RHBDL1: variants seen among roughly 807,000 people sequenced by gnomAD.
RHBDL1 encodes rhomboid like 1.
In RHBDL1, 21 loss-of-function variants were observed where a neutral mutation model predicts 34.0. The ratio of observed to expected loss-of-function variants is 0.62; its 90% CI spans 0.44 to 0.89. The LOEUF (loss-of-function observed/expected upper bound fraction) is 0.89. Among genes scored for constraint, RHBDL1 ranks in the 40% least tolerant of loss-of-function variants. The pLI is 0.00. For missense variants in RHBDL1, 450 were observed against 530.6 expected (o/e 0.85, Z 1.49); for synonymous variants, 268 against 234.8 (o/e 1.14, Z -1.29).
Position 676,932 on chromosome 16 carries a change from C to T in RHBDL1, c.426+36C>T, listed in dbSNP as rs764045208. ...CGGCCGCTGCCCCGGGAGCCTCCCG[C>T]GCTCCTGGCCATGACCAGCCTAACA... On this transcript the variant is annotated intron_variant, in intron 3 of 7. Transcript: ENST00000352681. The surrounding 1 kb of genome is among the most constrained non-coding windows in gnomAD (Gnocchi z 6.9). 51 of 1,611,320 alleles carry T rather than the reference C, an allele frequency of 3.2e-5. No homozygotes were observed. Among genetic ancestry groups the T allele is most frequent in the Non-Finnish European group, 3.8e-5 (45 of 1,179,000 alleles).
Position 677,804 on chromosome 16 carries a change from G to T in RHBDL1, c.874G>T (p.Val292Leu). Residue 292 changes from valine to leucine, a missense_variant, in exon 8 of 8, where the codon GTG becomes TTG. Coordinates refer to ENST00000352681, the MANE Select transcript of RHBDL1 (RefSeq NM_001278720.2). ...AGTGAGCTCCGAGGTGGGCCGGGCC[G>T]TGTGGCTGCGCTTCTCCCCGCCGCT... Reference protein sequence around the residue: ...VCMSSEVGRAVWLRFSPPLPA... With the variant: ...VCMSSEVGRALWLRFSPPLPA... 1 of 1,557,654 alleles carries T rather than the reference G, an allele frequency of 6.4e-7. No individual in the cohort carries two copies. Among genetic ancestry groups the T allele is most frequent in the Non-Finnish European group, 8.6e-7 (1 of 1,156,566 alleles).
At position 676,940 on chromosome 16, in the gene RHBDL1, G is replaced by T. The variant is rs1017876443; in HGVS notation, c.427-31G>T. The T allele has an allele frequency of 6.2e-7, 1 of 1,611,444 alleles. No homozygotes were observed. Among genetic ancestry groups the T allele is most frequent in the East Asian group, 2.2e-5 (1 of 44,814 alleles). ...GCCCCGGGAGCCTCCCGCGCTCCTG[G>T]CCATGACCAGCCTAACACTCGTGTC... On this transcript the variant is annotated intron_variant, in intron 3 of 7. Coordinates refer to ENST00000352681, the MANE Select transcript of RHBDL1 (RefSeq NM_001278720.2). The surrounding 1 kb of genome is among the most constrained non-coding windows in gnomAD (Gnocchi z 6.9).
rs140442350 is a variant in RHBDL1, at chr16:676,431, C to A, written c.135C>A (p.Asp45Glu). ...HELPLDPAKL[D>E]MLVALAQSNE... is the part of the protein sequence containing the mutation. ...TGCCCCTGGACCCGGCCAAGCTGGA[C>A]ATGCTGGTGGCCCTGGCTCAGAGCA... Residue 45 changes from aspartate (D) to glutamate (E), a missense_variant, in exon 2 of 8, where the codon GAC (aspartate) becomes GAA (glutamate). By Grantham distance (45) the Asp-to-Glu change is conservative (BLOSUM62 2). Coordinates refer to ENST00000352681, the MANE Select transcript of RHBDL1 (RefSeq NM_001278720.2). This position sits in a 1 kb window ranked among gnomAD's most constrained non-coding sequence, Gnocchi z 6.9. 2.5e-6 allele frequency: 4 copies of A among 1,606,484 alleles called. No homozygotes were observed. The African/African-American group carries it at 5.3e-5, about 21-fold the overall frequency.
At position 676,559 on chromosome 16, in the gene RHBDL1, C is replaced by G; in HGVS notation, c.201+62C>G. On this transcript the variant is annotated intron_variant, in intron 2 of 7. Coordinates refer to ENST00000352681, the MANE Select transcript of RHBDL1 (RefSeq NM_001278720.2). The surrounding 1 kb of genome is among the most constrained non-coding windows in gnomAD (Gnocchi z 6.9). ...GTCCTGGCCAGAGGAGGCGGGCAGG[C>G]AGCTCCTCACGGCGGTGGGTGGGGG... is the stretch of plus-strand genomic sequence containing the variant. 3 of 1,568,480 alleles carry G rather than the reference C, an allele frequency of 1.9e-6. No individual in the cohort carries two copies. The highest frequency in any genetic ancestry group is 2.3e-5 in the East Asian group (1 of 44,270).
Position 676,032 on chromosome 16 carries a change from G to C in RHBDL1, c.39+203G>C. The C allele has an allele frequency of 7.6e-7, 1 of 1,310,384 alleles. No homozygotes were observed. Among genetic ancestry groups the C allele is most frequent in the Admixed American group, 3.3e-5 (1 of 30,664 alleles). 81.2% of individuals were successfully genotyped at this position (1,310,384 alleles called of 1,614,324 possible). A position where few individuals can be genotyped will look rare whatever the true frequency, so the allele number is the denominator to read the frequency against. ...CCTGGCTGGAGAAGGGAGAGTCGGG[G>C]GGAGGGAGGGAGGGAGGGAGGGAGG... On this transcript the variant is annotated intron_variant, in intron 1 of 7. Transcript: ENST00000352681. This position sits in a 1 kb window ranked among gnomAD's most constrained non-coding sequence, Gnocchi z 6.9.
chr16:676,227 C>A lies in RHBDL1; in HGVS notation c.40-109C>A. The A allele has an allele frequency of 6.5e-7, 1 of 1,548,304 alleles. No individual in the cohort carries two copies. Among genetic ancestry groups the A allele is most frequent in the Non-Finnish European group, 8.7e-7 (1 of 1,145,518 alleles). On this transcript the variant is annotated intron_variant, in intron 1 of 7. Coordinates refer to ENST00000352681, the MANE Select transcript of RHBDL1 (RefSeq NM_001278720.2). This position sits in a 1 kb window ranked among gnomAD's most constrained non-coding sequence, Gnocchi z 6.9. ...AACAGACAGGCACGGGGCCCCTGTC[C>A]CAAAAGTGCTGGGAGCCTGAGCCTG... is the stretch of plus-strand genomic sequence containing the variant.
Position 677,634 on chromosome 16 carries a change from C to G in RHBDL1, c.790-5C>G. The G allele has an allele frequency of 1.3e-6, 2 of 1,591,050 alleles. No homozygotes were observed. Among genetic ancestry groups the G allele is most frequent in the Non-Finnish European group, 1.7e-6 (2 of 1,167,410 alleles). The stretch of plus-strand genomic sequence containing the variant: ...TCACCACTTCTCGTCTGCACACACC[C>G]ATAGAACTGGGCTGGGATGAGATGT... On this transcript the variant is annotated splice_region_variant and splice_polypyrimidine_tract_variant and intron_variant, in intron 6 of 7. Transcript: ENST00000352681.
chr16:675,863 G>A (rs2039524253), intron 1 of RHBDL1, 34 bp downstream of exon 1: 4 of 1,491,344 alleles, frequency 2.7e-6, no homozygotes, highest in Non-Finnish European at 3.6e-6. Flanking sequence ...AGCTGGCACC[G>A]CCCCCAATGC....
Position 676,145 on chromosome 16 carries a change from A to C in RHBDL1, c.40-191A>C. ...GGGGGAACAACTGAGGAGCTGGAGG[A>C]CTGGGACCCAGGCACCAGTGCCCTG... On this transcript the variant is annotated intron_variant, in intron 1 of 7. Transcript: ENST00000352681. This position sits in a 1 kb window ranked among gnomAD's most constrained non-coding sequence, Gnocchi z 6.9. The C allele has an allele frequency of 6.8e-7, 1 of 1,468,008 alleles. No homozygotes were observed. The highest frequency in any genetic ancestry group is 9.0e-7 in the Non-Finnish European group (1 of 1,105,798). 90.9% of individuals were successfully genotyped at this position (1,468,008 alleles called of 1,614,324 possible). A position where few individuals can be genotyped will look rare whatever the true frequency, so the allele number is the denominator to read the frequency against.
Position 677,667 on chromosome 16 carries a change from A to C in RHBDL1, c.818A>C (p.Lys273Thr). The C allele has an allele frequency of 6.4e-7, 1 of 1,559,994 alleles. No homozygotes were observed. Among genetic ancestry groups the C allele is most frequent in the Non-Finnish European group, 8.7e-7 (1 of 1,150,348 alleles). Residue 273 changes from lysine (K) to threonine (T), a missense_variant, in exon 7 of 8, where the codon AAG becomes ACG. Lys to Thr is a moderately conservative substitution (Grantham distance 78). Coordinates refer to ENST00000352681, the MANE Select transcript of RHBDL1 (RefSeq NM_001278720.2). ...TGGGCTGGGATGAGATGTCCCTACA[A>C]GTTGCTGAGGATGGTGCTGGCCTTG... is the stretch of plus-strand genomic sequence containing the variant. Reference protein sequence around the residue: ...MNWAGMRCPYKLLRMVLALVC... With the variant: ...MNWAGMRCPYTLLRMVLALVC...
Position 677,783 on chromosome 16 carries a change from A to T in RHBDL1, c.853A>T (p.Ser285Cys), listed in dbSNP as rs1284731434. ...CCACCTGCCGCGTCCCTCTGCAGTGAGCTCCGAGGTGGGCCGGGCCGTGTG... is the reference window on the plus strand; with the variant it reads ...CCACCTGCCGCGTCCCTCTGCAGTGTGCTCCGAGGTGGGCCGGGCCGTGTG... ...LRMVLALVCMSSEVGRAVWLR... is the reference protein window; with the variant it reads ...LRMVLALVCMCSEVGRAVWLR... The change falls in exon 8 of 8, where the codon AGC becomes TGC. Residue 285 changes from serine to cysteine, a missense_variant and splice_region_variant. Physicochemically the swap from Ser to Cys is moderately radical, Grantham distance 112. Transcript: ENST00000352681. 1 of 1,539,672 alleles carries T rather than the reference A, an allele frequency of 6.5e-7. No individual in the cohort carries two copies. Among genetic ancestry groups the T allele is most frequent in the South Asian group, 1.2e-5 (1 of 80,540 alleles).
Position 676,774 on chromosome 16 carries a change from A to G in RHBDL1, c.304A>G (p.Lys102Glu). 6.2e-7 allele frequency: 1 copy of G among 1,610,736 alleles called. No individual in the cohort carries two copies. ...PLDEPGLGVY[K>E]RFVRYVAYEI... is the part of the protein sequence containing the mutation. ...GGATGAGCCAGGCCTAGGTGTCTACAAGCGGTTTGTGCGTTACGTGGCCTA... is the reference window on the plus strand; with the variant it reads ...GGATGAGCCAGGCCTAGGTGTCTACGAGCGGTTTGTGCGTTACGTGGCCTA... Residue 102 changes from lysine to glutamate, a missense_variant, in exon 3 of 8, where the codon AAG becomes GAG. Physicochemically the swap from Lys to Glu is moderately conservative, Grantham distance 56. Transcript: ENST00000352681. This position sits in a 1 kb window ranked among gnomAD's most constrained non-coding sequence, Gnocchi z 6.9.
chr16:676,805 TC>T lies in RHBDL1; in HGVS notation c.337del (p.Leu113CysfsTer54), dbSNP rs767650996. ...TTTGTGCGTTACGTGGCCTACGAGA[TC>T]CTGCCTTGTGAGGTGGACCGCCGCT... is the stretch of plus-strand genomic sequence containing the variant. ...KRFVRYVAYE[I>X]LPCEVDRRWY... On this transcript the variant is annotated frameshift_variant, in exon 3 of 8. Coordinates refer to ENST00000352681, the MANE Select transcript of RHBDL1 (RefSeq NM_001278720.2). LOFTEE classifies it high-confidence loss of function. This position sits in a 1 kb window ranked among gnomAD's most constrained non-coding sequence, Gnocchi z 6.9. 1 of 1,611,104 alleles carries T rather than the reference TC, an allele frequency of 6.2e-7. No homozygotes were observed. Among genetic ancestry groups the T allele is most frequent in the Non-Finnish European group, 8.5e-7 (1 of 1,179,564 alleles).
rs755729281 is a variant in RHBDL1, at chr16:676,498, G to A, written c.201+1G>A. ...CTGCTACCAGGAGCTGGTGGACCTG[G>A]TCAGTGCCACGGTGGGCAGGCGGCA... On this transcript the variant is annotated splice_donor_variant, in intron 2 of 7. Coordinates refer to ENST00000352681, the MANE Select transcript of RHBDL1 (RefSeq NM_001278720.2). LOFTEE classifies it high-confidence loss of function. This position sits in a 1 kb window ranked among gnomAD's most constrained non-coding sequence, Gnocchi z 6.9. 1.9e-6 allele frequency: 3 copies of A among 1,587,942 alleles called. No homozygotes were observed. The highest frequency in any genetic ancestry group is 2.6e-6 in the Non-Finnish European group (3 of 1,169,674).
rs776826600 is a variant in RHBDL1 at position 675,870 on chromosome 16, A to C, written c.39+41A>C. On this transcript the variant is annotated intron_variant, in intron 1 of 7. Transcript: ENST00000352681. ...GTCTGGGGAGCTGGCACCGCCCCCA[A>C]TGCGGCCCTCCTGCCGCTGAGCTGA... 6 of 1,486,536 alleles carry C rather than the reference A, an allele frequency of 4.0e-6. No homozygotes were observed. The South Asian group carries it at 7.7e-5, about 19-fold the overall frequency. 92.1% of individuals were successfully genotyped at this position (1,486,536 alleles called of 1,614,324 possible). A position where few individuals can be genotyped will look rare whatever the true frequency, so the allele number is the denominator to read the frequency against.
Position 677,921 on chromosome 16 carries a change from G to A in RHBDL1, c.991G>A (p.Glu331Lys), listed in dbSNP as rs778173538. 99 of 1,603,432 alleles carry A rather than the reference G, an allele frequency of 6.2e-5. No individual in the cohort carries two copies. The highest frequency in any genetic ancestry group is 8.1e-5 in the Non-Finnish European group (96 of 1,179,338). The change falls in exon 8 of 8, where the codon GAG (glutamate) becomes AAG (lysine). Residue 331 changes from glutamate to lysine, a missense_variant. Physicochemically the swap from Glu to Lys is moderately conservative, Grantham distance 56. Transcript: ENST00000352681. ...GGGCCTGACCATCCTGCGGAGCTAC[G>A]AGGAGCGCCTGCGGGACCAGTGCGG... The part of the protein sequence containing the change: ...SMGLTILRSY[E>K]ERLRDQCGWW...
rs767961731 is a variant in RHBDL1, at chr16:678,054, C to G, written c.*2C>G. On this transcript the variant is annotated 3_prime_UTR_variant, in exon 8 of 8. Coordinates refer to ENST00000352681, the MANE Select transcript of RHBDL1 (RefSeq NM_001278720.2). The stretch of plus-strand genomic sequence containing the variant: ...GCCCACATCCCCCCACCGCCCTGAC[C>G]GGCTACCTGAGGCTGCACAGGCCAG... 1.9e-6 allele frequency: 3 copies of G among 1,556,376 alleles called. No individual in the cohort carries two copies. In the Admixed American group the frequency reaches 5.3e-5, roughly 27 times the overall value.
At position 676,585 on chromosome 16, in the gene RHBDL1, G is replaced by A; in HGVS notation, c.202-87G>A. ...AGCTCCTCACGGCGGTGGGTGGGGG[G>A]CTTGTGGATGCGGGGAGCTGGGTGA... On this transcript the variant is annotated intron_variant, in intron 2 of 7. Coordinates refer to ENST00000352681, the MANE Select transcript of RHBDL1 (RefSeq NM_001278720.2). This position sits in a 1 kb window ranked among gnomAD's most constrained non-coding sequence, Gnocchi z 6.9. The A allele has an allele frequency of 6.3e-7, 1 of 1,577,454 alleles. No homozygotes were observed.
rs111852492 is a variant in RHBDL1, at chr16:676,907, C to G, written c.426+11C>G. 2 of 1,611,354 alleles carry G rather than the reference C, an allele frequency of 1.2e-6. No individual in the cohort carries two copies. The highest frequency in any genetic ancestry group is 1.1e-5 in the South Asian group (1 of 91,026). On this transcript the variant is annotated intron_variant, in intron 3 of 7. Coordinates refer to ENST00000352681, the MANE Select transcript of RHBDL1 (RefSeq NM_001278720.2). This position sits in a 1 kb window ranked among gnomAD's most constrained non-coding sequence, Gnocchi z 6.9. ...GTCACTCTTGCCCAGGTGGGCCCCC[C>G]GGCCGCTGCCCCGGGAGCCTCCCGC...
Sources: gnomAD v4.1 joint callset for allele counts on GRCh38, gnomAD v4.1.1 for gene constraint, Gnocchi (gnomAD v3.1) non-coding constraint, MANE v1.5 for transcripts, NCBI Gene and HGNC (gene_info 2026-07-23, HGNC 2026-07-21) for gene names.